Variants in CCDC148 observed in about 807,000 individuals in gnomAD.
CCDC148 encodes the protein coiled-coil domain-containing protein 148.
Under a neutral mutation model 85.7 loss-of-function variants are expected in CCDC148, and 89 were observed. The observed-to-expected ratio is 1.04, with a 90% CI of 0.87 to 1.24. CCDC148 has a LOEUF of 1.24. Ranked by LOEUF, CCDC148 falls within the 50% of genes most tolerant of loss-of-function variation. The probability of loss-of-function intolerance (pLI) is 0.00; values close to 1 mark genes in which losing one functional copy is unlikely to be tolerated. For missense variants in CCDC148, 692 were observed against 671.7 expected (o/e 1.03, Z -0.33); for synonymous variants, 230 against 213.9 (o/e 1.08, Z -0.66).
chr2:158,281,025 T>C (rs867338896), intron 9 of CCDC148, among the ~76,000 whole-genome samples: 82 of 152,256 alleles, frequency 5.4e-4, no homozygotes, highest in Middle Eastern at 3.4e-3. Flanking sequence ...TCCTGATTGA[T>C]TACTGGGTAC....
rs548075376 is a variant in CCDC148, at chr2:158,201,653, C to A, written c.1370+18942G>T. ...TCTGGAACTCCAGAACATAAGCAAT[C>A]CAGCCATCTCGGCTTCCTAAAGTGC... On this transcript the variant is annotated intron_variant, in intron 11 of 13. Transcript: ENST00000283233. Among the ~76,000 whole-genome samples, 621 of 152,238 alleles carry A rather than the reference C, an allele frequency of 4.1e-3. 3 individuals carry two copies. The highest frequency in any genetic ancestry group is 6.5e-3 in the Non-Finnish European group (445 of 68,000).
At chr2:158,391,218 C>T (rs2251471) in intron 1 of CCDC148, among the ~76,000 whole-genome samples, 134,123 of 152,148 alleles carry the variant, frequency 0.88, 59,671 homozygotes, top group Non-Finnish European at 0.95. Context: ...GCTCCATTTA[C>T]TATTGATGGC....
At chr2:158,366,560 A>G (rs1256220461) in intron 1 of CCDC148, among the ~76,000 whole-genome samples, 4 of 152,198 alleles carry the variant, frequency 2.6e-5, no homozygotes, top group Non-Finnish European at 5.9e-5. Context: ...GTTAGGACTC[A>G]GCTGCAGAGA....
chr2:158,363,876 C>T (rs967678788), intron 1 of CCDC148, among the ~76,000 whole-genome samples: 17 of 152,188 alleles, frequency 1.1e-4, no homozygotes, highest in African/African-American at 4.1e-4. Flanking sequence ...GTTAAATTGT[C>T]TCTGTTTGCA....
At position 158,456,268 on chromosome 2, in the gene CCDC148, A is replaced by G. The variant is rs1242424687; in HGVS notation, c.25+147T>C. On this transcript the variant is annotated intron_variant, in intron 1 of 13. Coordinates refer to ENST00000283233, the MANE Select transcript of CCDC148 (RefSeq NM_138803.4). Reference sequence around the variant, plus strand: ...AAATCCTCTTTGAGTCTTTCAGAAGAGTTATGAGTTTGAGGACCCAAAACG... The same window carrying G: ...AAATCCTCTTTGAGTCTTTCAGAAGGGTTATGAGTTTGAGGACCCAAAACG... The G allele has an allele frequency of 3.8e-6, 3 of 789,574 alleles. No individual in the cohort carries two copies. In the East Asian group the frequency reaches 8.0e-5, roughly 21 times the overall value. The allele number at this position is 789,574 out of a possible 1,614,324, so 48.9% of individuals were successfully genotyped here. A position where few individuals can be genotyped will look rare whatever the true frequency, so the allele number is the denominator to read the frequency against.
chr2:158,387,586 A>G (rs1207844658), intron 1 of CCDC148, among the ~76,000 whole-genome samples: 1 of 152,046 alleles, frequency 6.6e-6, no homozygotes, highest in Non-Finnish European at 1.5e-5. Flanking sequence ...ATGAGCTACA[A>G]TATTCCATGG....
At chr2:158,309,850 T>C (rs539892459) in intron 8 of CCDC148, among the ~76,000 whole-genome samples, 56 of 152,314 alleles carry the variant, frequency 3.7e-4, no homozygotes, top group Middle Eastern at 3.4e-3. Context: ...GACAAGTCAT[T>C]TAATGTTTAT....
intron 10 of CCDC148, among the ~76,000 whole-genome samples, chr2:158,238,445 G>T (rs1370546617): frequency 1.3e-5 from 2 of 152,088 alleles, no homozygotes; most frequent in African/African-American, 4.8e-5. Context: ...AGTAGGAAAA[G>T]AAATCACACC....
chr2:158,433,964 C>T (rs1019849221), intron 1 of CCDC148, among the ~76,000 whole-genome samples: 1 of 152,028 alleles, frequency 6.6e-6, no homozygotes, highest in Admixed American at 6.6e-5. Context: ...TAGGTAAAAA[C>T]GGCTGGAAAG....
At chr2:158,409,370 A>C (rs1175440386) in intron 1 of CCDC148, among the ~76,000 whole-genome samples, 1 of 152,338 alleles carries the variant, frequency 6.6e-6, no homozygotes, top group Admixed American at 6.5e-5. Context: ...GGAGCTGCCC[A>C]AGGTTGTTGG....
chr2:158,418,224 T>C (rs994513800), intron 1 of CCDC148, among the ~76,000 whole-genome samples: 10 of 152,068 alleles, frequency 6.6e-5, no homozygotes, highest in African/African-American at 1.7e-4. Flanking sequence ...TGGGTTCAAA[T>C]TGCCATATCT....
chr2:158,431,865 G>C (rs921912840), intron 1 of CCDC148, among the ~76,000 whole-genome samples: 1 of 152,154 alleles, frequency 6.6e-6, no homozygotes, highest in East Asian at 1.9e-4. Flanking sequence ...TTGAACCTGG[G>C]AGATGGAGGT....
chr2:158,224,587 A>C (rs1299452263), intron 10 of CCDC148, among the ~76,000 whole-genome samples: 1 of 152,232 alleles, frequency 6.6e-6, no homozygotes, highest in Non-Finnish European at 1.5e-5. Context: ...GGAAGCCCAT[A>C]AGACTAACAG....
chr2:158,200,619 TA>T (rs1685907078), intron 11 of CCDC148, among the ~76,000 whole-genome samples: 1 of 152,194 alleles, frequency 6.6e-6, no homozygotes, highest in Admixed American at 6.5e-5. Flanking sequence ...TGGCTTCAGG[TA>T]AAATATTTTG....
At chr2:158,286,743 C>T (rs1348034327) in intron 9 of CCDC148, among the ~76,000 whole-genome samples, 1 of 151,980 alleles carries the variant, frequency 6.6e-6, no homozygotes, top group Non-Finnish European at 1.5e-5. Flanking sequence ...AAGGACAGAG[C>T]TTACAATAAA....
intron 9 of CCDC148, among the ~76,000 whole-genome samples, chr2:158,285,534 C>CTT (rs554409769): frequency 2.8e-5 from 4 of 143,874 alleles, no homozygotes; most frequent in African/African-American, 5.1e-5. Flanking sequence ...AAGGTAACTA[C>CTT]TTTTTTTTTT....
rs986034574 is a variant in CCDC148 at position 158,345,101 on chromosome 2, C to T, written c.251+114G>A. 186 of 677,812 alleles carry T rather than the reference C, an allele frequency of 2.7e-4. No individual in the cohort carries two copies. In the African/African-American group the frequency reaches 3.1e-3, roughly 11 times the overall value. The allele number at this position is 677,812 out of a possible 1,614,324, so 42.0% of individuals were successfully genotyped here. On this transcript the variant is annotated intron_variant, in intron 3 of 13. Transcript: ENST00000283233. ...AATTTGACTCACATTCAAATCGTAACTTTAAATTTTTATTATAATGGTTAA... is the reference window on the plus strand; with the variant it reads ...AATTTGACTCACATTCAAATCGTAATTTTAAATTTTTATTATAATGGTTAA...
intron 9 of CCDC148, among the ~76,000 whole-genome samples, chr2:158,270,981 T>C (rs1319652531): frequency 1.3e-5 from 2 of 152,136 alleles, no homozygotes; most frequent in African/African-American, 4.8e-5. Flanking sequence ...AAATGGAAAA[T>C]CTACATTGGA....
chr2:158,388,636 T>C (rs113304314), intron 1 of CCDC148, among the ~76,000 whole-genome samples: 8,761 of 151,984 alleles, frequency 0.058, 482 homozygotes, highest in African/African-American at 0.15. Context: ...CTGGGACTAC[T>C]GGTGCCCGCC....
Sources: gnomAD v4.1 joint callset for allele counts (sites outside exome capture counted in the v4.1 genomes callset) on GRCh38, gnomAD v4.1.1 for gene constraint, MANE v1.5 for transcripts, NCBI Gene and HGNC (gene_info 2026-07-23, HGNC 2026-07-21) for gene names.